Variants in ZMAT3 observed in about 807,000 individuals in gnomAD.
ZMAT3 encodes the protein zinc finger matrin-type 3, also known as zinc finger matrin-type protein 3.
In ZMAT3, 17 loss-of-function variants were observed where a neutral mutation model predicts 32.3. The ratio of observed to expected loss-of-function variants is 0.53; its 90% CI spans 0.36 to 0.79. ZMAT3 has a LOEUF of 0.79. Ranked by LOEUF, ZMAT3 falls within the 30% of genes least tolerant of loss-of-function variation. The probability of loss-of-function intolerance (pLI) is 0.00; values close to 1 mark genes in which losing one functional copy is unlikely to be tolerated. For synonymous variants in ZMAT3, 120 were observed against 133.1 expected, an observed-to-expected ratio of 0.90 and a Z score of 0.68; for missense variants, 329 against 359.7, an observed-to-expected ratio of 0.91 and a Z score of 0.69.
At chr3:179,057,624 TG>T (rs1720915560) in intron 2 of ZMAT3, among the ~76,000 whole-genome samples, 1 of 152,248 alleles carries the variant, frequency 6.6e-6, no homozygotes, top group South Asian at 2.1e-4. Context: ...CCTCACTACC[TG>T]TGGCTACAAG....
intron 2 of ZMAT3, among the ~76,000 whole-genome samples, chr3:179,032,867 G>C (rs1447921344): frequency 6.6e-6 from 1 of 151,194 alleles, no homozygotes; most frequent in Admixed American, 6.6e-5. Flanking sequence ...TCCAGGAGGT[G>C]GGGGGCAGCC....
rs561414497 is a variant in ZMAT3, at chr3:179,041,968, C to T, written c.271-10969G>A. Among the ~76,000 whole-genome samples, 11 of 152,184 alleles carry T rather than the reference C, an allele frequency of 7.2e-5. No individual in the cohort carries two copies. In the South Asian group the frequency reaches 1.2e-3, roughly 17 times the overall value. ...AATACTATAAACACCTCTACGCAAA[C>T]GAACTAGAAAATCTAGAAGAAATGG... On this transcript the variant is annotated intron_variant, in intron 2 of 5. Transcript: ENST00000311417.
At chr3:179,043,952 A>G (rs1720087983) in intron 2 of ZMAT3, among the ~76,000 whole-genome samples, 1 of 152,258 alleles carries the variant, frequency 6.6e-6, no homozygotes. Context: ...GATGACATCT[A>G]TGCAGCCAAC....
intron 2 of ZMAT3, among the ~76,000 whole-genome samples, chr3:179,063,677 T>C (rs901159664): frequency 1.3e-5 from 2 of 152,262 alleles, no homozygotes; most frequent in Non-Finnish European, 2.9e-5. Flanking sequence ...TGGGCATTTA[T>C]GCTGATGAAA....
intron 2 of ZMAT3, among the ~76,000 whole-genome samples, chr3:179,053,735 C>A (rs1361825357): frequency 1.3e-5 from 2 of 152,132 alleles, no homozygotes; most frequent in African/African-American, 2.4e-5. Flanking sequence ...AAACACATAA[C>A]CTGAATTTAA....
At chr3:179,031,181 G>A (rs1382424717) in intron 2 of ZMAT3, among the ~76,000 whole-genome samples, 182 bp from the exon 3 acceptor site, 1 of 150,540 alleles carries the variant, frequency 6.6e-6, no homozygotes, top group African/African-American at 2.4e-5. Context: ...AATTATTGTT[G>A]TTATTCTCTT....
intron 2 of ZMAT3, among the ~76,000 whole-genome samples, chr3:179,059,157 G>A (rs1721021418): frequency 6.6e-6 from 1 of 152,046 alleles, no homozygotes; most frequent in Admixed American, 6.6e-5. Flanking sequence ...AGTGGATATT[G>A]AAGCCAAAAG....
At chr3:179,059,406 GACAGCACCCATCAGATGGCC>G (rs1318346986) in intron 2 of ZMAT3, among the ~76,000 whole-genome samples, 1 of 152,130 alleles carries the variant, frequency 6.6e-6, no homozygotes, top group Non-Finnish European at 1.5e-5. Context: ...CTTAGGCATT[GACAGCACCCATCAGATGGCC>G]AAAGCATTAT....
chr3:179,048,320 A>C (rs888657337), intron 2 of ZMAT3, among the ~76,000 whole-genome samples: 1 of 152,202 alleles, frequency 6.6e-6, no homozygotes, highest in African/African-American at 2.4e-5. Context: ...AACACCTAGG[A>C]AATTCATTGC....
intron 2 of ZMAT3, among the ~76,000 whole-genome samples, chr3:179,063,430 A>G (rs1721248826): frequency 1.3e-5 from 2 of 152,226 alleles, no homozygotes; most frequent in South Asian, 4.1e-4. Context: ...TCTTTCTCTA[A>G]TCAATCTAAT....
rs1718621610 is a variant in ZMAT3 at position 179,022,880 on chromosome 3, AG to A, written c.*2136del. The A allele has an allele frequency of 6.6e-6, 1 of 152,214 alleles. No individual in the cohort carries two copies. The highest frequency in any genetic ancestry group is 1.5e-5 in the Non-Finnish European group (1 of 68,034). 9.4% of individuals were successfully genotyped at this position (152,214 alleles called of 1,614,324 possible). ...AAAAATTGTCCCAAAGTATTACAGA[AG>A]AAGAATGATTGTAATTTGCCTTCCC... On this transcript the variant is annotated 3_prime_UTR_variant, in exon 6 of 6. Transcript: ENST00000311417.
At chr3:179,055,350 G>A (rs1208688781) in intron 2 of ZMAT3, among the ~76,000 whole-genome samples, 1 of 152,102 alleles carries the variant, frequency 6.6e-6, no homozygotes, top group African/African-American at 2.4e-5. Flanking sequence ...GTAGAAAGGA[G>A]GGCAAATGGA....
upstream of ZMAT3, chr3:179,071,852 C>T (rs1721745613): frequency 6.6e-6 from 1 of 152,652 alleles, no homozygotes; most frequent in Non-Finnish European, 1.5e-5. Context: ...AGGGCGCCGG[C>T]TCGGCGTCGC....
upstream of ZMAT3, among the ~76,000 whole-genome samples, chr3:179,072,485 C>G (rs1721771480): frequency 6.6e-6 from 1 of 152,140 alleles, no homozygotes; most frequent in Non-Finnish European, 1.5e-5. Flanking sequence ...TCATAACCAA[C>G]CTGGACATCT....
At chr3:179,038,531 C>A (rs1490577652) in intron 2 of ZMAT3, among the ~76,000 whole-genome samples, 1 of 152,172 alleles carries the variant, frequency 6.6e-6, no homozygotes, top group African/African-American at 2.4e-5. Context: ...TGAGCCATGA[C>A]TGCAATGCTA....
At chr3:179,072,501 G>A (rs1264547137), upstream of ZMAT3, among the ~76,000 whole-genome samples, 6 of 152,200 alleles carry the variant, frequency 3.9e-5, no homozygotes, top group African/African-American at 1.4e-4. Context: ...CATCTTCAAT[G>A]TTAACACTGA....
intron 2 of ZMAT3, among the ~76,000 whole-genome samples, chr3:179,058,751 G>A (rs1238454360): frequency 3.7e-4 from 46 of 123,788 alleles, no homozygotes; most frequent in African/African-American, 1.2e-3. Context: ...GCGAGACTCC[G>A]TCTCAAAAAA....
Position 179,025,201 on chromosome 3 carries a change from C to T in ZMAT3, c.686G>A (p.Arg229Gln), listed in dbSNP as rs1429890208. The change falls in exon 6 of 6, where the codon CGG becomes CAG. Residue 229 changes from arginine (R) to glutamine (Q), a missense_variant. Transcript: ENST00000311417. ...GGCCAGATCACGTGGAATTCTCTGC[C>T]GAGAGCGGGGATTGAAGTAAGGACC... The part of the protein sequence containing the change: ...SAGPYFNPRS[R>Q]QRIPRDLAMC... The T allele has an allele frequency of 5.6e-6, 9 of 1,613,802 alleles. No homozygotes were observed. Among genetic ancestry groups the T allele is most frequent in the Admixed American group, 1.7e-5 (1 of 59,974 alleles).
intron 2 of ZMAT3, among the ~76,000 whole-genome samples, chr3:179,044,358 G>A (rs1223535735): frequency 3.3e-5 from 5 of 152,178 alleles, no homozygotes; most frequent in Admixed American, 6.5e-5. Flanking sequence ...TGAAGAAAAT[G>A]TGGTGGCCGG....
Sources: gnomAD v4.1 joint callset for allele counts (sites outside exome capture counted in the v4.1 genomes callset) on GRCh38, gnomAD v4.1.1 for gene constraint, MANE v1.5 for transcripts, NCBI Gene and HGNC (gene_info 2026-07-23, HGNC 2026-07-21) for gene names.